The following ANGPTL3 variants were observed in gnomAD, a reference collection of about 807,000 sequenced individuals.
ANGPTL3 encodes angiopoietin like 3.
Under a neutral mutation model 52.7 loss-of-function variants are expected in ANGPTL3, and 51 were observed. That is an observed-to-expected ratio of 0.97 (90% CI 0.77 to 1.22). ANGPTL3 has a LOEUF of 1.22. Among genes scored for constraint, ANGPTL3 ranks in the 50% most tolerant of loss-of-function variants. The probability of loss-of-function intolerance (pLI) is 0.00; values close to 1 mark genes in which losing one functional copy is unlikely to be tolerated. For synonymous variants in ANGPTL3, 185 were observed against 179.8 expected (o/e 1.03, Z -0.23); for missense variants, 506 against 520.7 (o/e 0.97, Z 0.27).
rs1426889742 is a variant in ANGPTL3 at position 62,597,902 on chromosome 1, G to C, written c.336G>C (p.Glu112Asp). The change falls in exon 1 of 7, where the codon GAG becomes GAC. Residue 112 changes from glutamate to aspartate, a missense_variant. By Grantham distance (45) the Glu-to-Asp change is conservative. Coordinates refer to ENST00000371129, the MANE Select transcript of ANGPTL3 (RefSeq NM_014495.4). ...ATAAACTACAAGTCAAAAATGAAGA[G>C]GTAAAGAATATGTCACTTGAACTCA... ...TTYKLQVKNE[E>D]VKNMSLELNS... 1 of 1,566,292 alleles carries C rather than the reference G, an allele frequency of 6.4e-7. No individual in the cohort carries two copies. Among genetic ancestry groups the C allele is most frequent in the African/African-American group, 1.4e-5 (1 of 72,454 alleles).
chr1:62,604,377 T>C (rs1422876663), intron 6 of ANGPTL3, 142 bp downstream of exon 6: 30 of 1,055,360 alleles, frequency 2.8e-5, no homozygotes, highest in Non-Finnish European at 3.7e-5. Flanking sequence ...CTCTTAACTA[T>C]AATGAAAGTG....
intron 5 of ANGPTL3, among the ~76,000 whole-genome samples, chr1:62,602,888 T>A (rs1259696578): frequency 6.6e-6 from 1 of 151,638 alleles, no homozygotes; most frequent in African/African-American, 2.4e-5. Context: ...GTTAACTCAA[T>A]GCAAATTATT....
chr1:62,604,298 G>A (rs1650617388), intron 6 of ANGPTL3, 63 bp downstream of exon 6: 1 of 1,576,010 alleles, frequency 6.3e-7, no homozygotes, highest in East Asian at 2.2e-5. Context: ...CACATTATTA[G>A]CTATTATCTG....
At position 62,598,719 on chromosome 1, in the gene ANGPTL3, T is replaced by A; in HGVS notation, c.519T>A (p.Asn173Lys). Residue 173 changes from asparagine (N) to lysine (K), a missense_variant, in exon 2 of 7, where the codon AAT becomes AAA. Coordinates refer to ENST00000371129, the MANE Select transcript of ANGPTL3 (RefSeq NM_014495.4). ...AGACTTTTGTAGAAAAACAAGATAA[T>A]AGCATCAAAGACCTTCTCCAGACCG... ...SLKTFVEKQD[N>K]SIKDLLQTVE... 6.2e-7 allele frequency: 1 copy of A among 1,609,852 alleles called. No individual in the cohort carries two copies. The highest frequency in any genetic ancestry group is 8.5e-7 in the Non-Finnish European group (1 of 1,176,678).
In ANGPTL3 at chr1:62,604,191, A is replaced by G. The variant is rs1415467907; in HGVS notation, c.1154A>G (p.Asp385Gly). The change falls in exon 6 of 7, where the codon GAT becomes GGT. Residue 385 changes from aspartate (D) to glycine (G), a missense_variant. By Grantham distance (94) the Asp-to-Gly change is moderately conservative. Coordinates refer to ENST00000371129, the MANE Select transcript of ANGPTL3 (RefSeq NM_014495.4). ...ENKDLVFSTW[D>G]HKAKGHFNCP... The stretch of plus-strand genomic sequence containing the variant: ...AAAGATTTGGTGTTTTCTACTTGGG[A>G]TCACAAAGCAAAAGGACACTTCAAC... The G allele has an allele frequency of 6.2e-7, 1 of 1,613,274 alleles. No homozygotes were observed. The highest frequency in any genetic ancestry group is 1.3e-5 in the African/African-American group (1 of 74,900).
rs201052110 is a variant in ANGPTL3 at position 62,597,804 on chromosome 1, C to G, written c.238C>G (p.Gln80Glu). The G allele has an allele frequency of 9.9e-6, 16 of 1,613,346 alleles. No homozygotes were observed. The highest frequency in any genetic ancestry group is 1.3e-5 in the Non-Finnish European group (15 of 1,179,660). The change falls in exon 1 of 7, where the codon CAG becomes GAG. Residue 80 changes from glutamine to glutamate, a missense_variant. Transcript: ENST00000371129. ...DIFQKLNIFD[Q>E]SFYDLSLQTS... is the part of the protein sequence containing the mutation. ...ATTTCAAAAACTCAACATATTTGATCAGTCTTTTTATGATCTATCGCTGCA... is the reference window on the plus strand; with the variant it reads ...ATTTCAAAAACTCAACATATTTGATGAGTCTTTTTATGATCTATCGCTGCA...
intron 4 of ANGPTL3, 98 bp from the exon 5 acceptor site, chr1:62,602,183 CCTTA>C: frequency 1.1e-6 from 1 of 939,374 alleles, no homozygotes; most frequent in East Asian, 2.5e-5. Context: ...TAATAAACTA[CCTTA>C]CAAAACCACC....
chr1:62,601,029 CT>C, intron 2 of ANGPTL3, 52 bp from the exon 3 acceptor site: 1 of 1,048,172 alleles, frequency 9.5e-7, no homozygotes, highest in Non-Finnish European at 1.5e-6. Flanking sequence ...CAGATTTCCC[CT>C]AATTGTATAT....
intron 3 of ANGPTL3, among the ~76,000 whole-genome samples, chr1:62,601,499 T>G (rs1207617362): frequency 6.6e-6 from 1 of 151,658 alleles, no homozygotes; most frequent in Non-Finnish European, 1.5e-5. Flanking sequence ...GCTGAAATAT[T>G]TACGGAGTTA....
Position 62,604,058 on chromosome 1 carries a change from A to G in ANGPTL3, c.1021A>G (p.Asn341Asp). ...AATTGAGTTGGAAGACTGGAAAGAC[A>G]ACAAACATTATATTGAATATTCTTT... ...LRIELEDWKD[N>D]KHYIEYSFYL... is the part of the protein sequence containing the mutation. The change falls in exon 6 of 7, where the codon AAC becomes GAC. Residue 341 changes from asparagine to aspartate, a missense_variant. Coordinates refer to ENST00000371129, the MANE Select transcript of ANGPTL3 (RefSeq NM_014495.4). 1 of 1,613,288 alleles carries G rather than the reference A, an allele frequency of 6.2e-7. No individual in the cohort carries two copies. The highest frequency in any genetic ancestry group is 8.5e-7 in the Non-Finnish European group (1 of 1,179,402).
chr1:62,601,923 C>T (rs185472483), intron 4 of ANGPTL3, 41 bp downstream of exon 4: 1 of 1,275,772 alleles, frequency 7.8e-7, no homozygotes, highest in African/African-American at 1.5e-5. Flanking sequence ...GTTAGTTCAA[C>T]TTACTCATTA....
At chr1:62,602,603 T>A (rs1650315776) in intron 5 of ANGPTL3, among the ~76,000 whole-genome samples, 2 of 151,792 alleles carry the variant, frequency 1.3e-5, no homozygotes, top group Non-Finnish European at 3.0e-5. Context: ...TGTTCTTAAA[T>A]ATACTTATCA....
At chr1:62,601,329 G>T in intron 3 of ANGPTL3, 133 bp downstream of exon 3, 1 of 686,416 alleles carries the variant, frequency 1.5e-6, no homozygotes, top group Non-Finnish European at 2.6e-6. Flanking sequence ...CTGGATGCTG[G>T]GGTTCTTTTT....
intron 1 of ANGPTL3, 115 bp from the exon 2 acceptor site, chr1:62,598,581 A>G (rs1244808670): frequency 2.9e-6 from 2 of 683,226 alleles, no homozygotes; most frequent in Non-Finnish European, 5.3e-6. Context: ...AATTGCCAAT[A>G]TTCATTTTTC....
rs745615004 is a variant in ANGPTL3 at position 62,597,845 on chromosome 1, A to G, written c.279A>G (p.Lys93=). ...TATCGCTGCAAACCAGTGAAATCAA[A>G]GAAGAAGAAAAGGAACTGAGAAGAA... ...YDLSLQTSEI[K]EEEKELRRTT... The change falls in exon 1 of 7, where the codon AAA becomes AAG. Residue 93 remains lysine, a synonymous_variant. Transcript: ENST00000371129. 1.2e-6 allele frequency: 2 copies of G among 1,604,768 alleles called. No individual in the cohort carries two copies. The highest frequency in any genetic ancestry group is 2.3e-5 in the South Asian group (2 of 88,836).
rs762661752 is a variant in ANGPTL3, at chr1:62,602,311, C to T, written c.862C>T (p.Arg288Ter). The T allele has an allele frequency of 4.3e-6, 7 of 1,610,310 alleles. No individual in the cohort carries two copies. Among genetic ancestry groups the T allele is most frequent in the Non-Finnish European group, 5.9e-6 (7 of 1,177,390 alleles). The change falls in exon 5 of 7, where the codon CGA becomes TGA. Residue 288 changes from arginine to a stop codon, truncating the protein, a stop_gained. Transcript: ENST00000371129. LOFTEE classifies it high-confidence loss of function. ...SGSPWTLIQHRIDGSQNFNET... is the reference protein window; with the variant it reads ...SGSPWTLIQH ...TAGTCCATGGACATTAATTCAACAT[C>T]GAATAGATGGATCACAAAACTTCAA...
intron 6 of ANGPTL3, 38 bp downstream of exon 6, chr1:62,604,273 T>C (rs1650613783): frequency 2.5e-6 from 4 of 1,605,938 alleles, no homozygotes; most frequent in Middle Eastern, 1.7e-4. Context: ...TTTTCATATC[T>C]TCAAAGTATC....
At chr1:62,601,029 C>T (rs781219043) in intron 2 of ANGPTL3, 53 bp from the exon 3 acceptor site, 8 of 1,048,054 alleles carry the variant, frequency 7.6e-6, no homozygotes, top group Non-Finnish European at 1.2e-5. Context: ...CAGATTTCCC[C>T]TAATTGTATA....
Position 62,597,734 on chromosome 1 carries a change from T to C in ANGPTL3, c.168T>C (p.Gly56=). 1 of 1,613,530 alleles carries C rather than the reference T, an allele frequency of 6.2e-7. No homozygotes were observed. Among genetic ancestry groups the C allele is most frequent in the Non-Finnish European group, 8.5e-7 (1 of 1,179,710 alleles). ...ATGGCCTCCTTCAGTTGGGACATGG[T>C]CTTAAAGACTTTGTCCATAAGACGA... ...LANGLLQLGH[G]LKDFVHKTKG... The change falls in exon 1 of 7, where the codon GGT becomes GGC. Residue 56 remains glycine (G), a synonymous_variant. Transcript: ENST00000371129.
Sources: allele counts gnomAD v4.1 joint callset (sites outside exome capture counted in the v4.1 genomes callset), GRCh38; gene constraint gnomAD v4.1.1; transcripts MANE v1.5; gene names NCBI Gene and HGNC (gene_info 2026-07-23, HGNC 2026-07-21).